Variants in SGCZ observed in about 807,000 individuals in gnomAD.
The protein encoded by SGCZ is zeta-sarcoglycan.
Under a neutral mutation model 41.3 loss-of-function variants are expected in SGCZ, and 40 were observed. The observed-to-expected ratio is 0.97, with a 90% CI of 0.75 to 1.26. SGCZ has a LOEUF of 1.26. SGCZ is among the 50% of genes most tolerant of loss of function. The probability of loss-of-function intolerance (pLI) is 0.00; values close to 1 mark genes in which losing one functional copy is unlikely to be tolerated. For missense variants in SGCZ, 552 were observed against 369.8 expected, an observed-to-expected ratio of 1.49 and a Z score of -4.04; for synonymous variants, 206 against 137.5, an observed-to-expected ratio of 1.50 and a Z score of -3.49.
intron 1 of SGCZ, among the ~76,000 whole-genome samples, chr8:14,814,200 T>C (rs1393726962): frequency 1.3e-5 from 2 of 152,160 alleles, no homozygotes; most frequent in Non-Finnish European, 2.9e-5. Context: ...TGTTAACGTC[T>C]CATCTCAGAA....
intron 1 of SGCZ, among the ~76,000 whole-genome samples, chr8:15,237,137 C>T (rs928797778): frequency 1.3e-5 from 2 of 152,210 alleles, no homozygotes; most frequent in African/African-American, 2.4e-5. Flanking sequence ...GCACTGTCCC[C>T]GTGCCGGGCT....
At chr8:14,420,264 A>T (rs1304990148) in intron 2 of SGCZ, among the ~76,000 whole-genome samples, 1 of 152,022 alleles carries the variant, frequency 6.6e-6, no homozygotes, top group African/African-American at 2.4e-5. Flanking sequence ...ACTAATAGAA[A>T]CAAAAGAAAA....
intron 2 of SGCZ, among the ~76,000 whole-genome samples, chr8:14,392,073 G>A (rs1804797501): frequency 6.6e-6 from 1 of 152,110 alleles, no homozygotes. Flanking sequence ...AGGGGAGATG[G>A]AGAAAGCTTA....
intron 1 of SGCZ, among the ~76,000 whole-genome samples, chr8:15,007,370 T>A (rs1371581379): frequency 6.6e-6 from 1 of 152,228 alleles, no homozygotes. Context: ...AAAAATATCT[T>A]GCAATTTGTT....
intron 1 of SGCZ, among the ~76,000 whole-genome samples, chr8:14,951,970 A>G (rs181423187): frequency 2.0e-5 from 3 of 152,230 alleles, no homozygotes; most frequent in Admixed American, 2.0e-4. Context: ...TAATTTATGA[A>G]TTCATTTGAT....
rs571110466 is a variant in SGCZ at position 14,721,935 on chromosome 8, C to T, written c.40-167009G>A. Among the ~76,000 whole-genome samples the T allele has an allele frequency of 9.9e-5, 15 of 152,264 alleles. 1 individual carries two copies. The highest frequency in any genetic ancestry group is 3.4e-3 in the Middle Eastern group (1 of 294). On this transcript the variant is annotated intron_variant, in intron 1 of 7. Coordinates refer to ENST00000382080, the MANE Select transcript of SGCZ (RefSeq NM_139167.4). The stretch of plus-strand genomic sequence containing the variant: ...CTTGGAAATTTCAGTCATTCTCACA[C>T]CTTAGGAGTATTTTTCTCACTGGCC...
At chr8:15,046,485 TG>T (rs1278538690) in intron 1 of SGCZ, among the ~76,000 whole-genome samples, 1 of 152,074 alleles carries the variant, frequency 6.6e-6, no homozygotes, top group Non-Finnish European at 1.5e-5. Flanking sequence ...ATTCCAGATT[TG>T]GCCAGTGAAG....
chr8:15,157,806 A>G (rs1378696837), intron 1 of SGCZ, among the ~76,000 whole-genome samples: 3 of 152,206 alleles, frequency 2.0e-5, no homozygotes, highest in Non-Finnish European at 4.4e-5. Flanking sequence ...TGCTAGTGGA[A>G]TATGGCATTC....
chr8:14,224,612 G>A lies in SGCZ; in HGVS notation c.424+12980C>T, dbSNP rs149602510. The stretch of plus-strand genomic sequence containing the variant: ...TTTATTACTTTATTACGTTGGCTAC[G>A]CAGAAAGACAGAAAAACAGTAAGTT... On this transcript the variant is annotated intron_variant, in intron 4 of 7. Transcript: ENST00000382080. Among the ~76,000 whole-genome samples, 42 of 152,196 alleles carry A rather than the reference G, an allele frequency of 2.8e-4. 1 individual carries two copies. Among genetic ancestry groups the A allele is most frequent in the South Asian group, 6.2e-4 (3 of 4,826 alleles).
chr8:14,411,205 T>C (rs923089131), intron 2 of SGCZ, among the ~76,000 whole-genome samples: 3 of 152,156 alleles, frequency 2.0e-5, no homozygotes, highest in Non-Finnish European at 4.4e-5. Context: ...ACCATAAGCA[T>C]GTTCTCTCCT....
At chr8:14,957,944 A>G (rs1800843961) in intron 1 of SGCZ, among the ~76,000 whole-genome samples, 1 of 152,186 alleles carries the variant, frequency 6.6e-6, no homozygotes, top group South Asian at 2.1e-4. Context: ...GTGCAACACT[A>G]AGAGTGTGAA....
intron 4 of SGCZ, among the ~76,000 whole-genome samples, chr8:14,177,065 A>T (rs1425209932): frequency 6.6e-6 from 1 of 152,114 alleles, no homozygotes; most frequent in South Asian, 2.1e-4. Flanking sequence ...GTAGAGAGTA[A>T]GCGATGAGTC....
At position 14,419,925 on chromosome 8, in the gene SGCZ, C is replaced by T. The variant is rs1799594895; in HGVS notation, c.235-95721G>A. On this transcript the variant is annotated intron_variant, in intron 2 of 7. Coordinates refer to ENST00000382080, the MANE Select transcript of SGCZ (RefSeq NM_139167.4). ...CGAGAAAGCATGTACCTTTTTCATC[C>T]CCCATGTCATTACAGAACAATGGTT... Among the ~76,000 whole-genome samples the T allele has an allele frequency of 2.6e-5, 4 of 151,982 alleles. No homozygotes were observed. The South Asian group carries it at 8.3e-4, about 31-fold the overall frequency.
chr8:14,150,253 C>T (rs977133959), intron 5 of SGCZ, among the ~76,000 whole-genome samples: 2 of 152,000 alleles, frequency 1.3e-5, no homozygotes, highest in African/African-American at 4.8e-5. Flanking sequence ...AACCCACAAA[C>T]TGGGAGAAAA....
At chr8:14,409,281 G>A (rs556617794) in intron 2 of SGCZ, among the ~76,000 whole-genome samples, 1 of 152,092 alleles carries the variant, frequency 6.6e-6, no homozygotes, top group East Asian at 1.9e-4. Flanking sequence ...ACTTTCTCCT[G>A]AAGATTTTCA....
intron 2 of SGCZ, among the ~76,000 whole-genome samples, chr8:14,528,846 A>T (rs1359550764): frequency 1.3e-5 from 2 of 151,096 alleles, no homozygotes; most frequent in African/African-American, 2.4e-5. Context: ...AACAAAACAA[A>T]AACAAAAAAA....
In SGCZ at chr8:15,168,873, GC is replaced by G. The variant is rs1301641001; in HGVS notation, c.39+68711del. Among the ~76,000 whole-genome samples, 3 of 152,198 alleles carry G rather than the reference GC, an allele frequency of 2.0e-5. No homozygotes were observed. In the East Asian group the frequency reaches 5.8e-4, roughly 29 times the overall value. ...CTTAAACTAGTTGGTTTAGGATTGGGCTTGGGGGAAGGGAACCCAGAAGCTC... is the reference window on the plus strand; with the variant it reads ...CTTAAACTAGTTGGTTTAGGATTGGGTTGGGGGAAGGGAACCCAGAAGCTC... On this transcript the variant is annotated intron_variant, in intron 1 of 7. Coordinates refer to ENST00000382080, the MANE Select transcript of SGCZ (RefSeq NM_139167.4).
At chr8:14,883,259 T>C (rs62493334) in intron 1 of SGCZ, among the ~76,000 whole-genome samples, 15,018 of 145,788 alleles carry the variant, frequency 0.1, 1,001 homozygotes, top group East Asian at 0.22. Context: ...AACCACAGAG[T>C]GCAAAGTGAG....
chr8:15,113,218 A>C (rs932229157), intron 1 of SGCZ, among the ~76,000 whole-genome samples: 1 of 152,012 alleles, frequency 6.6e-6, no homozygotes, highest in African/African-American at 2.4e-5. Context: ...AAAAAAAAAA[A>C]AAAACAAAAA....
Sources: allele counts gnomAD v4.1 joint callset (sites outside exome capture counted in the v4.1 genomes callset), GRCh38; gene constraint gnomAD v4.1.1; transcripts MANE v1.5; gene names NCBI Gene and HGNC (gene_info 2026-07-23, HGNC 2026-07-21).